The following GALNT17 variants were observed in gnomAD, a reference collection of about 807,000 sequenced individuals.
The protein encoded by GALNT17 is UDP-GalNAc:polypeptide N-acetylgalactosaminyltransferase-like 3.
Under a neutral mutation model 63.7 loss-of-function variants are expected in GALNT17, and 29 were observed. That is an observed-to-expected ratio of 0.46 (90% CI 0.34 to 0.62). The LOEUF is 0.62. Ranked by LOEUF, GALNT17 falls within the 20% of genes least tolerant of loss-of-function variation. The pLI is 0.01. For synonymous variants in GALNT17, 305 were observed against 318.3 expected (o/e 0.96, Z 0.45); for missense variants, 603 against 799.6 (o/e 0.75, Z 2.97).
At chr7:71,263,565 T>C (rs1790427170) in intron 1 of GALNT17, among the ~76,000 whole-genome samples, 1 of 152,164 alleles carries the variant, frequency 6.6e-6, no homozygotes, top group Admixed American at 6.5e-5. Context: ...TGGGTTTTCC[T>C]TGCCTCTGAA....
chr7:71,692,490 C>T (rs750674665), intron 9 of GALNT17, among the ~76,000 whole-genome samples: 1 of 152,092 alleles, frequency 6.6e-6, no homozygotes, highest in African/African-American at 2.4e-5. Flanking sequence ...ACTCTTTACT[C>T]TTTAGCTAGG....
At chr7:71,481,777 G>A (rs1008619031) in intron 5 of GALNT17, among the ~76,000 whole-genome samples, 2 of 151,794 alleles carry the variant, frequency 1.3e-5, no homozygotes, top group African/African-American at 2.4e-5. Flanking sequence ...TGCCTGACAC[G>A]AAACCCAAGG....
chr7:71,611,594 A>G (rs1790126240), intron 6 of GALNT17, among the ~76,000 whole-genome samples: 1 of 152,084 alleles, frequency 6.6e-6, no homozygotes, highest in South Asian at 2.1e-4. Flanking sequence ...TCCAAGATAA[A>G]TGTTTCCTTG....
At chr7:71,155,012 T>G (rs1361862788) in intron 1 of GALNT17, among the ~76,000 whole-genome samples, 1 of 151,924 alleles carries the variant, frequency 6.6e-6, no homozygotes, top group Admixed American at 6.6e-5. Flanking sequence ...GATAACAGCC[T>G]GACTATTGCA....
intron 1 of GALNT17, among the ~76,000 whole-genome samples, chr7:71,191,438 C>T (rs1379366973): frequency 6.6e-6 from 1 of 151,858 alleles, no homozygotes; most frequent in African/African-American, 2.4e-5. Flanking sequence ...TTGCCAGGCA[C>T]CAGATCTCTG....
At chr7:71,286,723 G>A (rs2115788884) in intron 1 of GALNT17, among the ~76,000 whole-genome samples, 1 of 151,764 alleles carries the variant, frequency 6.6e-6, no homozygotes, top group Non-Finnish European at 1.5e-5. Flanking sequence ...GTAAAGGAGG[G>A]ATTATCTCCT....
rs10260922 is a variant in GALNT17, at chr7:71,442,479, G to A, written c.962+21374G>A. On this transcript the variant is annotated intron_variant, in intron 5 of 10. Transcript: ENST00000333538. ...CTCCCAAAGTGCTGGGATTACAGGC[G>A]TGAGCCACCGGCCTGCAGAAGTTTT... Among the ~76,000 whole-genome samples the A allele has an allele frequency of 1.3e-3, 195 of 152,204 alleles. 1 individual carries two copies. Among genetic ancestry groups the A allele is most frequent in the East Asian group, 4.3e-3 (22 of 5,170 alleles).
At chr7:71,677,059 T>G in intron 8 of GALNT17, 152 bp from the exon 9 acceptor site, 1 of 753,880 alleles carries the variant, frequency 1.3e-6, no homozygotes, top group Non-Finnish European at 2.4e-6. Flanking sequence ...GTTAAGGTGA[T>G]CACCGCAAAG....
intron 6 of GALNT17, among the ~76,000 whole-genome samples, chr7:71,574,793 A>G (rs934797523): frequency 2.6e-5 from 4 of 152,128 alleles, no homozygotes; most frequent in Admixed American, 2.0e-4. Context: ...CTACCCCACC[A>G]GGTAACTTAG....
chr7:71,545,213 T>G (rs756234007), intron 5 of GALNT17, among the ~76,000 whole-genome samples: 23 of 152,344 alleles, frequency 1.5e-4, no homozygotes, highest in Middle Eastern at 3.4e-3. Flanking sequence ...TTGTAAGCTC[T>G]AAAGACTCTT....
chr7:71,665,553 A>G lies in GALNT17; in HGVS notation c.1223A>G (p.Asp408Gly). ...CGCGTTGCTGAGGTCTGGATGGACG[A>G]TTACAAGTCTCATGTGTACATAGCG... ...ALRVAEVWMD[D>G]YKSHVYIAWN... The change falls in exon 7 of 11, where the codon GAT becomes GGT. Residue 408 changes from aspartate (D) to glycine (G), a missense_variant. Physicochemically the swap from Asp to Gly is moderately conservative, Grantham distance 94. Coordinates refer to ENST00000333538, the MANE Select transcript of GALNT17 (RefSeq NM_022479.3). 6.2e-7 allele frequency: 1 copy of G among 1,613,996 alleles called. No homozygotes were observed. The highest frequency in any genetic ancestry group is 1.1e-5 in the South Asian group (1 of 91,064).
intron 1 of GALNT17, among the ~76,000 whole-genome samples, chr7:71,151,126 T>C (rs2116214557): frequency 6.6e-6 from 1 of 152,288 alleles, no homozygotes; most frequent in East Asian, 1.9e-4. Context: ...TTATAGCAGC[T>C]AGTGTTATTT....
At chr7:71,242,648 G>A (rs1459690421) in intron 1 of GALNT17, among the ~76,000 whole-genome samples, 1 of 152,170 alleles carries the variant, frequency 6.6e-6, no homozygotes, top group Non-Finnish European at 1.5e-5. Context: ...AGGCTGGAAT[G>A]CAGATGTAGT....
chr7:71,265,334 C>T lies in GALNT17; in HGVS notation c.239-70216C>T, dbSNP rs1320896619. On this transcript the variant is annotated intron_variant, in intron 1 of 10. Transcript: ENST00000333538. ...TAGAGACAGGGTTTCACCATATCGG[C>T]CAGGCTGCTCTCGAACTCCTGACCT... Among the ~76,000 whole-genome samples the T allele has an allele frequency of 4.6e-5, 7 of 151,316 alleles. 2 individuals carry two copies. In the South Asian group the frequency reaches 1.5e-3, roughly 32 times the overall value.
intron 6 of GALNT17, among the ~76,000 whole-genome samples, chr7:71,574,231 G>C (rs528883925): frequency 3.3e-5 from 5 of 152,176 alleles, no homozygotes; most frequent in Admixed American, 1.3e-4. Flanking sequence ...TCTTTCAGCC[G>C]TTGTGGAAGG....
chr7:71,542,468 G>A (rs555852534), intron 5 of GALNT17, among the ~76,000 whole-genome samples: 4 of 152,010 alleles, frequency 2.6e-5, no homozygotes, highest in South Asian at 2.1e-4. Flanking sequence ...AGGCCGAGGC[G>A]GGCAGATCAC....
At chr7:71,504,653 CTTAT>C (rs1489167707) in intron 5 of GALNT17, among the ~76,000 whole-genome samples, 2 of 152,048 alleles carry the variant, frequency 1.3e-5, no homozygotes, top group Non-Finnish European at 2.9e-5. Context: ...ACATAGTTTA[CTTAT>C]TTACCTAGTT....
intron 3 of GALNT17, among the ~76,000 whole-genome samples, chr7:71,395,796 G>C (rs10258157): frequency 0.042 from 6,430 of 152,144 alleles, 245 homozygotes; most frequent in African/African-American, 0.1. Flanking sequence ...CAATCTAGTG[G>C]ATATAAGGTG....
intron 6 of GALNT17, among the ~76,000 whole-genome samples, chr7:71,645,998 C>T (rs1463479093): frequency 6.6e-6 from 1 of 152,178 alleles, no homozygotes; most frequent in Non-Finnish European, 1.5e-5. Flanking sequence ...GGCACCATGT[C>T]CTGGAATGTC....
Sources: gnomAD v4.1 joint callset for allele counts (sites outside exome capture counted in the v4.1 genomes callset) on GRCh38, gnomAD v4.1.1 for gene constraint, MANE v1.5 for transcripts, NCBI Gene and HGNC (gene_info 2026-07-23, HGNC 2026-07-21) for gene names.